PTBP2: variants seen among roughly 807,000 people sequenced by gnomAD.
PTBP2 encodes the protein polypyrimidine tract binding protein 2.
A neutral mutation model predicts 61.4 loss-of-function variants in PTBP2; 13 were observed. That is an observed-to-expected ratio of 0.21 (90% CI 0.14 to 0.34). PTBP2 has a LOEUF of 0.34. Ranked by LOEUF, PTBP2 falls within the 10% of genes least tolerant of loss-of-function variation. PTBP2 has a pLI of 1.00. For synonymous variants in PTBP2, 215 were observed against 218.5 expected (o/e 0.98, Z 0.14); for missense variants, 405 against 642.6 (o/e 0.63, Z 4.00).
chr1:96,820,720 A>G (rs905518162), exon 14 of PTBP2: 1 of 151,958 alleles, frequency 6.6e-6, no homozygotes, highest in African/African-American at 2.4e-5. Flanking sequence ...TAGTGTCTAT[A>G]TATTTCTTAA....
rs370699699 is a variant in PTBP2, at chr1:96,813,424, T to C, written c.*19T>C. 15 of 1,565,992 alleles carry C rather than the reference T, an allele frequency of 9.6e-6. No homozygotes were observed. The African/African-American group carries it at 2.1e-4, about 21-fold the overall frequency. ...AATTTAAAAATGGGAAGATGAAGAT[T>C]GGGGGTGAATCACATTGTTCAATGT... On this transcript the variant is annotated 3_prime_UTR_variant, in exon 14 of 14. Transcript: ENST00000674951.
chr1:96,789,677 G>A (rs1425877424), intron 8 of PTBP2, among the ~76,000 whole-genome samples: 3 of 151,892 alleles, frequency 2.0e-5, no homozygotes, highest in Admixed American at 1.3e-4. Context: ...TTATTCATTT[G>A]GTAATATTTA....
At chr1:96,762,623 C>G (rs1249348254) in intron 3 of PTBP2, among the ~76,000 whole-genome samples, 5 of 145,370 alleles carry the variant, frequency 3.4e-5, no homozygotes, top group African/African-American at 1.3e-4. Flanking sequence ...GGCGGCCGGG[C>G]AGAGGCGCCC....
chr1:96,726,210 G>C (rs950696037), intron 2 of PTBP2, among the ~76,000 whole-genome samples: 1 of 147,462 alleles, frequency 6.8e-6, no homozygotes, highest in Admixed American at 6.9e-5. Context: ...TTATATATTA[G>C]CACACATATA....
At chr1:96,806,230 A>G (rs916012707) in intron 9 of PTBP2, among the ~76,000 whole-genome samples, 189 bp from the exon 10 acceptor site, 1 of 151,438 alleles carries the variant, frequency 6.6e-6, no homozygotes, top group Non-Finnish European at 1.5e-5. Flanking sequence ...CCCTATGTTC[A>G]TGCTTCTGTG....
chr1:96,761,166 G>A (rs1233921238), intron 3 of PTBP2, among the ~76,000 whole-genome samples: 1 of 152,190 alleles, frequency 6.6e-6, no homozygotes, highest in African/African-American at 2.4e-5. Flanking sequence ...ATTTTCTGGT[G>A]TGATGGAAAC....
chr1:96,786,645 T>G (rs7524687), intron 8 of PTBP2, among the ~76,000 whole-genome samples: 1 of 152,194 alleles, frequency 6.6e-6, no homozygotes, highest in African/African-American at 2.4e-5. Context: ...CTAGGTCATA[T>G]TCATTCAGCT....
At chr1:96,722,360 C>T (rs1649712243) in intron 1 of PTBP2, among the ~76,000 whole-genome samples, 1 of 151,934 alleles carries the variant, frequency 6.6e-6, no homozygotes, top group Non-Finnish European at 1.5e-5. Context: ...GCAACCTCTC[C>T]GGCCTCGCCC....
Position 96,804,696 on chromosome 1 carries a change from A to G in PTBP2, c.905-104A>G, listed in dbSNP as rs560439040. 4.2e-5 allele frequency: 48 copies of G among 1,130,474 alleles called. No homozygotes were observed. In the Middle Eastern group the frequency reaches 8.4e-4, roughly 20 times the overall value. 70.0% of individuals were successfully genotyped at this position (1,130,474 alleles called of 1,614,324 possible). A position where few individuals can be genotyped will look rare whatever the true frequency, so the allele number is the denominator to read the frequency against. ...CTTTCAGGAACCATTTGGAATGGTC[A>G]GCCGTAAGCCATGCAGCCATCGTGC... On this transcript the variant is annotated intron_variant, in intron 8 of 13. Transcript: ENST00000674951.
chr1:96,740,780 TAA>T (rs1652896079), intron 2 of PTBP2, among the ~76,000 whole-genome samples: 3 of 151,842 alleles, frequency 2.0e-5, no homozygotes. Flanking sequence ...TTATTTTTGT[TAA>T]GTTTATATAT....
rs192353267 is a variant in PTBP2 at position 96,771,989 on chromosome 1, A to G, written c.432+1138A>G. On this transcript the variant is annotated intron_variant, in intron 5 of 13. Coordinates refer to ENST00000674951, the MANE Select transcript of PTBP2 (RefSeq NM_021190.4). ...GCTTCTGTGGCCTCAAATGTGGGGG[A>G]ATTTTTTTCCACGCCAAGCAAGCAG... Among the ~76,000 whole-genome samples, 900 of 152,166 alleles carry G rather than the reference A, an allele frequency of 5.9e-3. 5 individuals are homozygous for G. The highest frequency in any genetic ancestry group is 0.011 in the Non-Finnish European group (723 of 67,998).
chr1:96,808,135 A>T (rs1051420030), intron 11 of PTBP2, among the ~76,000 whole-genome samples: 5 of 152,128 alleles, frequency 3.3e-5, no homozygotes, highest in Non-Finnish European at 7.4e-5. Flanking sequence ...CTGTGGTAGA[A>T]TTACCTCAGA....
chr1:96,773,479 T>C (rs1373123388), intron 5 of PTBP2, among the ~76,000 whole-genome samples: 1 of 152,302 alleles, frequency 6.6e-6, no homozygotes, highest in Middle Eastern at 3.4e-3. Flanking sequence ...TTTTCAGTGT[T>C]AGCATTTATG....
In PTBP2 at chr1:96,721,874, T is replaced by C; in HGVS notation, c.8+2T>C. The stretch of plus-strand genomic sequence containing the variant: ...TTTGTCCGGTTCGGCAATGGACGGG[T>C]ATGTAATCGGGCCGGCGAGAAGGTG... On this transcript the variant is annotated splice_donor_variant, in intron 1 of 13. Coordinates refer to ENST00000674951, the MANE Select transcript of PTBP2 (RefSeq NM_021190.4). LOFTEE classifies it high-confidence loss of function. The C allele has an allele frequency of 6.4e-7, 1 of 1,574,342 alleles. No individual in the cohort carries two copies. Among genetic ancestry groups the C allele is most frequent in the Non-Finnish European group, 8.6e-7 (1 of 1,160,066 alleles).
chr1:96,772,225 A>T (rs1211683354), intron 5 of PTBP2, among the ~76,000 whole-genome samples: 2 of 152,056 alleles, frequency 1.3e-5, no homozygotes, highest in African/African-American at 4.8e-5. Flanking sequence ...AGCACACAGA[A>T]CTCAAGGAAA....
chr1:96,793,012 C>A (rs1660012253), intron 8 of PTBP2, among the ~76,000 whole-genome samples: 1 of 151,942 alleles, frequency 6.6e-6, no homozygotes, highest in African/African-American at 2.4e-5. Flanking sequence ...TGCTGAATGC[C>A]ATAGTAACAC....
intron 8 of PTBP2, among the ~76,000 whole-genome samples, chr1:96,798,708 T>A (rs750849102): frequency 2.6e-5 from 4 of 152,178 alleles, no homozygotes; most frequent in African/African-American, 4.8e-5. Flanking sequence ...TTTGAGGAAA[T>A]CTGATAATGG....
At chr1:96,722,302 C>T (rs1480300127) in intron 1 of PTBP2, among the ~76,000 whole-genome samples, 2 of 152,092 alleles carry the variant, frequency 1.3e-5, no homozygotes, top group East Asian at 3.9e-4. Context: ...ATTGGGGGAG[C>T]CTCTAGGGGA....
chr1:96,786,290 A>C (rs1348734699), intron 8 of PTBP2, among the ~76,000 whole-genome samples: 2 of 152,194 alleles, frequency 1.3e-5, no homozygotes, highest in African/African-American at 4.8e-5. Flanking sequence ...GTAACTAATA[A>C]GAATTAACTA....
Sources: allele counts gnomAD v4.1 joint callset (sites outside exome capture counted in the v4.1 genomes callset), GRCh38; gene constraint gnomAD v4.1.1; transcripts MANE v1.5; gene names NCBI Gene and HGNC (gene_info 2026-07-23, HGNC 2026-07-21).